The following GAS2 variants were observed in gnomAD, a reference collection of about 807,000 sequenced individuals.
GAS2 encodes growth arrest specific 2.
In GAS2, 20 loss-of-function variants were observed where a neutral mutation model predicts 37.5. The observed-to-expected ratio is 0.53, with a 90% CI of 0.37 to 0.77. GAS2 has a LOEUF of 0.77. Among genes scored for constraint, GAS2 ranks in the 30% least tolerant of loss-of-function variants. The pLI, the probability that GAS2 is intolerant of heterozygous loss-of-function variation, is 0.00. For synonymous variants in GAS2, 144 were observed against 132.2 expected (o/e 1.09, Z -0.61); for missense variants, 336 against 373.4 (o/e 0.90, Z 0.82).
At chr11:22,725,436 G>A (rs1396571720) in intron 3 of GAS2, among the ~76,000 whole-genome samples, 3 of 152,042 alleles carry the variant, frequency 2.0e-5, no homozygotes, top group Non-Finnish European at 4.4e-5. Context: ...TCTGTAGAAT[G>A]TTATATTTTT....
At chr11:22,658,614 A>G (rs1011943454) in intron 1 of GAS2, among the ~76,000 whole-genome samples, 2 of 152,242 alleles carry the variant, frequency 1.3e-5, no homozygotes, top group Admixed American at 1.3e-4. Context: ...TCCATCTATC[A>G]GCAAGTCATA....
intron 7 of GAS2, among the ~76,000 whole-genome samples, chr11:22,766,242 C>CA (rs1564878832): frequency 6.8e-6 from 1 of 146,360 alleles, no homozygotes; most frequent in Non-Finnish European, 1.5e-5. Flanking sequence ...TCCTCGGATT[C>CA]TTTTTTTTTT....
At chr11:22,652,813 C>T (rs894620910) in intron 1 of GAS2, among the ~76,000 whole-genome samples, 1 of 152,186 alleles carries the variant, frequency 6.6e-6, no homozygotes, top group African/African-American at 2.4e-5. Flanking sequence ...TGACCTGCAC[C>T]CACTGTCTGG....
At chr11:22,774,328 T>G (rs188736674) in intron 7 of GAS2, among the ~76,000 whole-genome samples, 314 of 152,310 alleles carry the variant, frequency 2.1e-3, no homozygotes, top group African/African-American at 7.2e-3. Flanking sequence ...ATCTCCAAAT[T>G]TATTTATTCT....
chr11:22,763,955 T>C (rs1283916515), intron 7 of GAS2, among the ~76,000 whole-genome samples: 1 of 152,234 alleles, frequency 6.6e-6, no homozygotes, highest in African/African-American at 2.4e-5. Context: ...TTTATGTTTT[T>C]GCTTCACTAA....
At chr11:22,629,999 T>G (rs1404401143) in intron 1 of GAS2, among the ~76,000 whole-genome samples, 1 of 152,164 alleles carries the variant, frequency 6.6e-6, no homozygotes, top group African/African-American at 2.4e-5. Flanking sequence ...TGATGAGAGA[T>G]AGGGATCCAG....
intron 3 of GAS2, among the ~76,000 whole-genome samples, chr11:22,689,782 A>G (rs1850148032): frequency 6.6e-6 from 1 of 152,236 alleles, no homozygotes; most frequent in African/African-American, 2.4e-5. Context: ...TTGAGTATAA[A>G]TAGTCTGGAG....
chr11:22,695,022 A>T (rs907922923), intron 3 of GAS2, among the ~76,000 whole-genome samples: 12 of 152,140 alleles, frequency 7.9e-5, no homozygotes, highest in African/African-American at 2.7e-4. Context: ...GCAATGGCTT[A>T]AAAAAGTGTG....
chr11:22,716,643 C>A (rs1366243911), intron 3 of GAS2, among the ~76,000 whole-genome samples: 10 of 132,546 alleles, frequency 7.5e-5, no homozygotes, highest in African/African-American at 2.8e-4. Context: ...GTCTCTGTCT[C>A]AAAAAAAAAA....
intron 7 of GAS2, among the ~76,000 whole-genome samples, chr11:22,810,882 G>A (rs894418122): frequency 6.6e-6 from 1 of 152,174 alleles, no homozygotes; most frequent in Non-Finnish European, 1.5e-5. Flanking sequence ...GCTCTATGAT[G>A]TGACTTCCCA....
At chr11:22,727,169 T>C (rs1172745078) in intron 4 of GAS2, among the ~76,000 whole-genome samples, 1 of 152,088 alleles carries the variant, frequency 6.6e-6, no homozygotes, top group Non-Finnish European at 1.5e-5. Flanking sequence ...AAACTTTCCA[T>C]GTAGGCTCCA....
At chr11:22,746,086 G>GT (rs1476931446) in intron 5 of GAS2, among the ~76,000 whole-genome samples, 1 of 152,156 alleles carries the variant, frequency 6.6e-6, no homozygotes, top group East Asian at 1.9e-4. Flanking sequence ...GAGGGCTGAG[G>GT]TTGGAGGATC....
At chr11:22,717,138 GA>G (rs71037524) in intron 3 of GAS2, among the ~76,000 whole-genome samples, 141,067 of 151,772 alleles carry the variant, frequency 0.93, 66,398 homozygotes, top group East Asian at 1. Context: ...ACATAACTAG[GA>G]AAAAAAAATC....
intron 7 of GAS2, among the ~76,000 whole-genome samples, chr11:22,789,303 T>TACACACACACAC (rs201918939): frequency 9.0e-6 from 1 of 111,120 alleles, no homozygotes; most frequent in Admixed American, 9.8e-5. Flanking sequence ...TATATATATA[T>TACACACACACAC]ACACACACAC....
chr11:22,741,449 TA>T (rs1336364829), intron 5 of GAS2, among the ~76,000 whole-genome samples: 1 of 147,608 alleles, frequency 6.8e-6, no homozygotes, highest in Non-Finnish European at 1.5e-5. Context: ...ATGATCCTTA[TA>T]ATAGAAGTAA....
intron 7 of GAS2, among the ~76,000 whole-genome samples, chr11:22,783,340 C>A (rs1434982903): frequency 1.3e-5 from 2 of 152,042 alleles, no homozygotes; most frequent in African/African-American, 4.8e-5. Context: ...TTCTGGATAT[C>A]ACACTTTTAT....
chr11:22,767,347 G>T (rs1854747047), intron 7 of GAS2, among the ~76,000 whole-genome samples: 1 of 151,902 alleles, frequency 6.6e-6, no homozygotes, highest in Non-Finnish European at 1.5e-5. Flanking sequence ...ATTTCCTTTT[G>T]AAGTTTTTTT....
Position 22,755,825 on chromosome 11 carries a change from G to A in GAS2, c.616-21G>A, listed in dbSNP as rs138901404. 2.8e-4 allele frequency: 443 copies of A among 1,564,974 alleles called. No individual in the cohort carries two copies. In the African/African-American group the frequency reaches 4.9e-3, roughly 17 times the overall value. ...TGCAGCCTAATTAAGACAAATGAAT[G>A]TGCCTGCTCTTCTATTTCAGGTGAA... On this transcript the variant is annotated intron_variant, in intron 6 of 7. Coordinates refer to ENST00000454584, the MANE Select transcript of GAS2 (RefSeq NM_001143830.3).
chr11:22,731,174 C>T (rs1554975671), intron 4 of GAS2, among the ~76,000 whole-genome samples: 1 of 151,676 alleles, frequency 6.6e-6, no homozygotes, highest in Non-Finnish European at 1.5e-5. Flanking sequence ...GTCAAGTTAA[C>T]TTTTTTTCCT....
Sources: allele counts gnomAD v4.1 joint callset (sites outside exome capture counted in the v4.1 genomes callset), GRCh38; gene constraint gnomAD v4.1.1; transcripts MANE v1.5; gene names NCBI Gene and HGNC (gene_info 2026-07-23, HGNC 2026-07-21).